COQ2: variants seen among roughly 807,000 people sequenced by gnomAD.
The protein encoded by COQ2 is coenzyme Q2, polyprenyltransferase, also known as 4-hydroxybenzoate polyprenyltransferase, mitochondrial.
A neutral mutation model predicts 35.7 loss-of-function variants in COQ2; 25 were observed. The ratio of observed to expected loss-of-function variants is 0.70; its 90% CI spans 0.51 to 0.98. The LOEUF (loss-of-function observed/expected upper bound fraction) is 0.98, where lower values mean the gene tolerates loss of function less well. COQ2 is among the 50% of genes least tolerant of loss of function. COQ2 has a pLI of 0.00. For synonymous variants in COQ2, 206 were observed against 186.2 expected, an observed-to-expected ratio of 1.11 and a Z score of -0.86; for missense variants, 488 against 473.5, an observed-to-expected ratio of 1.03 and a Z score of -0.28.
intron 3 of COQ2, among the ~76,000 whole-genome samples, chr4:83,273,030 TAC>T (rs1560493698): frequency 6.6e-6 from 1 of 152,228 alleles, no homozygotes; most frequent in Non-Finnish European, 1.5e-5. Flanking sequence ...GTTTAAGAGA[TAC>T]AGGAATGAGT....
chr4:83,264,626 T>A (rs530933554), intron 6 of COQ2, among the ~76,000 whole-genome samples: 2 of 151,636 alleles, frequency 1.3e-5, no homozygotes, highest in South Asian at 4.2e-4. Flanking sequence ...GGTGAGAGAG[T>A]GAGACTCTAT....
intron 6 of COQ2, 108 bp from the exon 7 acceptor site, chr4:83,264,471 A>C: frequency 1.4e-6 from 2 of 1,450,416 alleles, no homozygotes; most frequent in East Asian, 5.2e-5. Context: ...AAAAATACAA[A>C]TATAAAAAAT....
In COQ2 at chr4:83,276,249, TA is replaced by T. The variant is rs1194712236; in HGVS notation, c.421-2633del. 2.6e-5 allele frequency among the ~76,000 whole-genome samples: 4 copies of T among 152,064 alleles called. No homozygotes were observed. The East Asian group carries it at 7.7e-4, about 29-fold the overall frequency. ...TGCGTTGCCTACTTTTTAATGGGGT[TA>T]TTTTTTTCTTGTTGTTTGAGCTCCT... On this transcript the variant is annotated intron_variant, in intron 2 of 6. Transcript: ENST00000647002.
chr4:83,267,302 A>G (rs1734941733), intron 6 of COQ2: 2 of 415,262 alleles, frequency 4.8e-6, no homozygotes, highest in Non-Finnish European at 9.1e-6. Context: ...GCTTCAGTCC[A>G]GGAGTTAGAG....
intron 1 of COQ2, 77 bp from the exon 2 acceptor site, chr4:83,279,191 C>A: frequency 2.8e-6 from 4 of 1,429,622 alleles, no homozygotes; most frequent in Non-Finnish European, 3.7e-6. Flanking sequence ...ACATCACATA[C>A]CAAAGAAATA....
At chr4:83,273,365 C>T in intron 3 of COQ2, 131 bp downstream of exon 3, 2 of 874,054 alleles carry the variant, frequency 2.3e-6, no homozygotes, top group Admixed American at 3.2e-5. Context: ...GAGTTACTTA[C>T]ACTTGCTAAC....
chr4:83,269,947 C>G lies in COQ2; in HGVS notation c.675G>C (p.Lys225Asn). ...WGALLGWSAI[K>N]GSCDPSVCLP... ...GGCAAACAGATGGATCACAGGAACC[C>G]TTGATAGCAGACCATCCAAGTAACG... Residue 225 changes from lysine to asparagine, a missense_variant, in exon 5 of 7, where the codon AAG becomes AAC. By Grantham distance (94) the Lys-to-Asn change is moderately conservative (BLOSUM62 0). Coordinates refer to ENST00000647002, the MANE Select transcript of COQ2 (RefSeq NM_001358921.2). 6.2e-7 allele frequency: 1 copy of G among 1,613,484 alleles called. No individual in the cohort carries two copies. The highest frequency in any genetic ancestry group is 8.5e-7 in the Non-Finnish European group (1 of 1,179,646).
At chr4:83,265,192 T>C (rs1734883424) in intron 6 of COQ2, among the ~76,000 whole-genome samples, 1 of 152,230 alleles carries the variant, frequency 6.6e-6, no homozygotes, top group Non-Finnish European at 1.5e-5. Flanking sequence ...CTTTATTATG[T>C]GGTCTGCAGA....
chr4:83,277,480 C>G (rs1462316791), intron 2 of COQ2, among the ~76,000 whole-genome samples: 1 of 152,184 alleles, frequency 6.6e-6, no homozygotes, highest in Non-Finnish European at 1.5e-5. Context: ...GGAAAGTTAT[C>G]TCTAACCCTC....
chr4:83,269,604 T>C (rs1188323505), intron 5 of COQ2, among the ~76,000 whole-genome samples: 1 of 152,182 alleles, frequency 6.6e-6, no homozygotes, highest in African/African-American at 2.4e-5. Flanking sequence ...ACATAGTAAA[T>C]ACTACTTTAT....
chr4:83,283,359 A>C, intron 1 of COQ2: 1 of 985,288 alleles, frequency 1.0e-6, no homozygotes, highest in Non-Finnish European at 1.2e-6. Context: ...GCTTCTTCAG[A>C]TATGTTCTTG....
chr4:83,276,011 ATATATAATATATATTTT>A (rs1270455400), intron 2 of COQ2, among the ~76,000 whole-genome samples: 96 of 58,816 alleles, frequency 1.6e-3, no homozygotes, highest in African/African-American at 3.5e-3. Context: ...AATATATATT[ATATATAATATATATTTT>A]TATATAATAT....
intron 1 of COQ2, chr4:83,282,796 T>A (rs1164453038): frequency 6.6e-6 from 1 of 152,394 alleles, no homozygotes; most frequent in Non-Finnish European, 1.5e-5. Context: ...GTCCCTCAGA[T>A]GAGCAGGGTG....
At chr4:83,275,171 C>CT (rs1261768000) in intron 2 of COQ2, among the ~76,000 whole-genome samples, 2 of 152,226 alleles carry the variant, frequency 1.3e-5, no homozygotes, top group East Asian at 1.9e-4. Flanking sequence ...TGCTGATTGT[C>CT]TTTTTTTCAC....
intron 5 of COQ2, among the ~76,000 whole-genome samples, chr4:83,268,319 T>C (rs1327267935): frequency 6.6e-6 from 1 of 152,238 alleles, no homozygotes; most frequent in African/African-American, 2.4e-5. Flanking sequence ...CCTGTTTAGG[T>C]AGAGCTAGGT....
At chr4:83,276,878 A>G (rs6811081) in intron 2 of COQ2, among the ~76,000 whole-genome samples, 3,533 of 152,320 alleles carry the variant, frequency 0.023, 142 homozygotes, top group African/African-American at 0.08. Context: ...ATAAAATCAC[A>G]TCATTTGCAG....
In COQ2 at chr4:83,266,232, C is replaced by T. The variant is rs188072410; in HGVS notation, c.951+1354G>A. ...TGGAGGGGACACAGCATATGGTTTA[C>T]TTTACAGACATCAGATTCTGATTTC... On this transcript the variant is annotated intron_variant, in intron 6 of 6. Coordinates refer to ENST00000647002, the MANE Select transcript of COQ2 (RefSeq NM_001358921.2). Among the ~76,000 whole-genome samples the T allele has an allele frequency of 2.2e-3, 338 of 152,292 alleles. 2 individuals are homozygous for T. The highest frequency in any genetic ancestry group is 0.014 in the Middle Eastern group (4 of 294).
In COQ2 at chr4:83,276,042, A is replaced by ATATAT. The variant is rs1560494717; in HGVS notation, c.421-2426_421-2425insATATA. 1.9e-3 allele frequency among the ~76,000 whole-genome samples: 39 copies of ATATAT among 20,646 alleles called. No homozygotes were observed. The East Asian group carries it at 0.054, about 29-fold the overall frequency. 13.5% of individuals were successfully genotyped at this position (20,646 alleles called of 152,430 possible). ...AATATATATTTTTATATAATATATA[A>ATATAT]AATATATATTATATATAATATATAT... On this transcript the variant is annotated intron_variant, in intron 2 of 6. Transcript: ENST00000647002.
intron 1 of COQ2, among the ~76,000 whole-genome samples, chr4:83,279,423 A>G (rs1408088279): frequency 1.3e-5 from 2 of 152,194 alleles, no homozygotes; most frequent in Non-Finnish European, 2.9e-5. Flanking sequence ...TGAAAACTAA[A>G]TTGAGATAAA....
Sources: allele counts gnomAD v4.1 joint callset (sites outside exome capture counted in the v4.1 genomes callset), GRCh38; gene constraint gnomAD v4.1.1; transcripts MANE v1.5; gene names NCBI Gene and HGNC (gene_info 2026-07-23, HGNC 2026-07-21).